Variants in ZNF521 observed in about 807,000 individuals in gnomAD.
The protein encoded by ZNF521 is zinc finger protein 521.
ZNF521 carries 14 observed loss-of-function variants against 105.5 expected under a neutral mutation model. The observed-to-expected ratio is 0.13, with a 90% CI of 0.09 to 0.21. The LOEUF (loss-of-function observed/expected upper bound fraction) is 0.21, where lower values mean the gene tolerates loss of function less well. Among genes scored for constraint, ZNF521 ranks in the 10% least tolerant of loss-of-function variants. ZNF521 has a pLI of 1.00. For missense variants in ZNF521, 1,233 were observed against 1,629.7 expected (o/e 0.76, Z 4.19); for synonymous variants, 635 against 606.0 (o/e 1.05, Z -0.70).
intron 2 of ZNF521, among the ~76,000 whole-genome samples, chr18:25,332,604 A>C (rs1913641027): frequency 6.6e-6 from 1 of 152,192 alleles, no homozygotes; most frequent in Non-Finnish European, 1.5e-5. Flanking sequence ...ACTTTCCTTA[A>C]GGAATCTGAA....
chr18:25,120,063 C>T (rs887091159), intron 5 of ZNF521, among the ~76,000 whole-genome samples: 3 of 151,902 alleles, frequency 2.0e-5, no homozygotes, highest in Non-Finnish European at 4.4e-5. Context: ...AAATTTGACA[C>T]AAAATTAAAC....
At chr18:25,229,903 G>A (rs538752478) in intron 3 of ZNF521, among the ~76,000 whole-genome samples, 2 of 152,184 alleles carry the variant, frequency 1.3e-5, no homozygotes, top group East Asian at 3.9e-4. Context: ...TGCAGATTGT[G>A]TCCAGGTATG....
intron 3 of ZNF521, among the ~76,000 whole-genome samples, chr18:25,306,192 GT>G (rs1421385532): frequency 5.3e-5 from 8 of 152,096 alleles, no homozygotes; most frequent in Non-Finnish European, 1.2e-4. Context: ...TAGAAGATTG[GT>G]AAGAATTAAT....
At chr18:25,328,056 A>G (rs1913334674) in intron 2 of ZNF521, among the ~76,000 whole-genome samples, 1 of 152,142 alleles carries the variant, frequency 6.6e-6, no homozygotes, top group Non-Finnish European at 1.5e-5. Context: ...TCTTTCTGCA[A>G]TGTTTATTTT....
At chr18:25,192,343 T>C (rs1020978769) in intron 5 of ZNF521, among the ~76,000 whole-genome samples, 3 of 152,134 alleles carry the variant, frequency 2.0e-5, no homozygotes, top group Non-Finnish European at 2.9e-5. Flanking sequence ...GAAACATTGG[T>C]GATTTCCCTT....
At chr18:25,271,785 CA>C (rs1156792460) in intron 3 of ZNF521, among the ~76,000 whole-genome samples, 1 of 152,046 alleles carries the variant, frequency 6.6e-6, no homozygotes, top group Non-Finnish European at 1.5e-5. Context: ...AAGACTTAAA[CA>C]TAAGACCTAA....
intron 3 of ZNF521, among the ~76,000 whole-genome samples, chr18:25,249,609 A>G (rs567420832): frequency 6.6e-6 from 1 of 151,658 alleles, no homozygotes; most frequent in African/African-American, 2.4e-5. Context: ...TTACAGGCGC[A>G]TGCCACCATG....
intron 3 of ZNF521, among the ~76,000 whole-genome samples, chr18:25,262,225 G>A (rs1010992036): frequency 2.0e-5 from 3 of 152,020 alleles, no homozygotes; most frequent in African/African-American, 7.2e-5. Context: ...GAAAATTATA[G>A]AGAACTGGTG....
At position 25,090,539 on chromosome 18, in the gene ZNF521, T is replaced by G. The variant is rs937082195; in HGVS notation, c.3791-959A>C. 2.0e-5 allele frequency among the ~76,000 whole-genome samples: 3 copies of G among 152,344 alleles called. No homozygotes were observed. The East Asian group carries it at 5.8e-4, about 29-fold the overall frequency. On this transcript the variant is annotated intron_variant, in intron 6 of 7. Transcript: ENST00000361524. ...TATTGGAAGCATTTTTTAAAAATTG[T>G]TATTTCTAAATTACTTCAAGATACG... is the stretch of plus-strand genomic sequence containing the variant.
At chr18:25,337,406 G>A (rs981489687) in intron 2 of ZNF521, among the ~76,000 whole-genome samples, 1 of 152,100 alleles carries the variant, frequency 6.6e-6, no homozygotes, top group Admixed American at 6.6e-5. Context: ...CATAAGTCAG[G>A]CAAAGAGCTA....
intron 5 of ZNF521, among the ~76,000 whole-genome samples, chr18:25,128,122 C>T (rs924537483): frequency 1.4e-4 from 21 of 151,538 alleles, no homozygotes; most frequent in East Asian, 7.7e-4. Flanking sequence ...ACAATTATAC[C>T]GTATGACCCA....
chr18:25,084,076 G>A (rs2033567466), intron 7 of ZNF521, among the ~76,000 whole-genome samples: 3 of 150,808 alleles, frequency 2.0e-5, no homozygotes, highest in South Asian at 4.2e-4. Context: ...GAGCCACTGT[G>A]CCTGGCCTGT....
intron 6 of ZNF521, among the ~76,000 whole-genome samples, chr18:25,091,011 T>C (rs114577638): frequency 0.018 from 2,807 of 152,278 alleles, 94 homozygotes; most frequent in African/African-American, 0.064. Context: ...ACTCAGTTAG[T>C]AATTGTGCTA....
intron 3 of ZNF521, among the ~76,000 whole-genome samples, chr18:25,235,802 A>C (rs1395721307): frequency 6.6e-6 from 1 of 152,240 alleles, no homozygotes; most frequent in Non-Finnish European, 1.5e-5. Flanking sequence ...AGAATACAAA[A>C]GTGCTGAAAG....
intron 5 of ZNF521, among the ~76,000 whole-genome samples, chr18:25,140,729 A>G (rs2034830897): frequency 6.6e-6 from 1 of 152,198 alleles, no homozygotes; most frequent in Admixed American, 6.6e-5. Flanking sequence ...CCAACAAGGG[A>G]AAATGGGAGA....
intron 3 of ZNF521, among the ~76,000 whole-genome samples, chr18:25,263,665 T>C (rs939148254): frequency 4.6e-5 from 7 of 152,340 alleles, no homozygotes; most frequent in African/African-American, 1.7e-4. Flanking sequence ...AACTTCTGCC[T>C]TCCGGGTTCA....
chr18:25,325,810 GCTTT>G (rs1292566388), intron 2 of ZNF521, among the ~76,000 whole-genome samples: 1 of 152,208 alleles, frequency 6.6e-6, no homozygotes, highest in Admixed American at 6.5e-5. Flanking sequence ...GTAAGTGGCA[GCTTT>G]CTGTTTCCAA....
At chr18:25,302,565 G>A (rs965142199) in intron 3 of ZNF521, 5 of 152,202 alleles carry the variant, frequency 3.3e-5, no homozygotes, top group African/African-American at 1.2e-4. Context: ...GCTATGTCAT[G>A]GTTGGGCAAA....
At chr18:25,216,998 A>C (rs1041354987) in intron 4 of ZNF521, among the ~76,000 whole-genome samples, 28 of 152,194 alleles carry the variant, frequency 1.8e-4, no homozygotes, top group Admixed American at 7.2e-4. Flanking sequence ...TCAGGTGATA[A>C]AGTGGGGAAG....
Sources: allele counts gnomAD v4.1 joint callset (sites outside exome capture counted in the v4.1 genomes callset), GRCh38; gene constraint gnomAD v4.1.1; transcripts MANE v1.5; gene names NCBI Gene and HGNC (gene_info 2026-07-23, HGNC 2026-07-21).